FER: variants seen among roughly 807,000 people sequenced by gnomAD.
FER encodes the protein tyrosine-protein kinase Fer.
FER carries 63 observed loss-of-function variants against 111.0 expected under a neutral mutation model. That is an observed-to-expected ratio of 0.57 (90% CI 0.46 to 0.70). The LOEUF is 0.70. FER is among the 30% of genes least tolerant of loss of function. The probability of loss-of-function intolerance (pLI) is 0.00; values close to 1 mark genes in which losing one functional copy is unlikely to be tolerated. For missense variants in FER, 914 were observed against 954.0 expected (o/e 0.96, Z 0.55); for synonymous variants, 327 against 313.9 (o/e 1.04, Z -0.44).
chr5:108,764,215 C>T (rs1284139306), intron 1 of FER, among the ~76,000 whole-genome samples: 1 of 152,056 alleles, frequency 6.6e-6, no homozygotes, highest in African/African-American at 2.4e-5. Context: ...ATAGATGCTT[C>T]AGAGTAAAAA....
chr5:108,749,556 C>G (rs1008144334), intron 1 of FER, among the ~76,000 whole-genome samples: 1 of 152,180 alleles, frequency 6.6e-6, no homozygotes, highest in African/African-American at 2.4e-5. Context: ...TCTGGAGCCC[C>G]GCAGTCTCCC....
intron 13 of FER, among the ~76,000 whole-genome samples, chr5:108,988,996 G>A (rs999886530): frequency 6.6e-6 from 1 of 152,008 alleles, no homozygotes; most frequent in East Asian, 1.9e-4. Context: ...GTTATTGTTC[G>A]TTCAAAGAAT....
chr5:108,819,845 T>C (rs1758659459), intron 3 of FER: 2 of 985,272 alleles, frequency 2.0e-6, no homozygotes, highest in Non-Finnish European at 2.4e-6. Flanking sequence ...TTTTAATTTT[T>C]TTCCCCCAGA....
At position 109,068,276 on chromosome 5, in the gene FER, C is replaced by T. The variant is rs145145174; in HGVS notation, c.1924+21078C>T. Reference sequence around the variant, plus strand: ...TCCGCTCACTGCACCCTCTGCCTTCCGGGTTCAAGCAATTCTCCTGCCTCA... The same window carrying T: ...TCCGCTCACTGCACCCTCTGCCTTCTGGGTTCAAGCAATTCTCCTGCCTCA... On this transcript the variant is annotated intron_variant, in intron 16 of 19. Transcript: ENST00000281092. 6.7e-3 allele frequency among the ~76,000 whole-genome samples: 983 copies of T among 146,990 alleles called. 8 individuals are homozygous for T. Among genetic ancestry groups the T allele is most frequent in the Non-Finnish European group, 0.011 (725 of 66,094 alleles).
At chr5:109,182,847 A>AT (rs368540431) in intron 18 of FER, among the ~76,000 whole-genome samples, 1 of 152,050 alleles carries the variant, frequency 6.6e-6, no homozygotes, top group East Asian at 1.9e-4. Flanking sequence ...AAGTCTAAAG[A>AT]TTTTTTTTAA....
At chr5:109,071,185 A>G (rs1332721361) in intron 16 of FER, among the ~76,000 whole-genome samples, 2 of 152,042 alleles carry the variant, frequency 1.3e-5, no homozygotes, top group African/African-American at 2.4e-5. Context: ...ATTATGTTGC[A>G]TTTAGTTGTC....
chr5:108,920,992 C>G (rs182629451), intron 10 of FER, among the ~76,000 whole-genome samples: 2 of 152,148 alleles, frequency 1.3e-5, no homozygotes, highest in African/African-American at 2.4e-5. Flanking sequence ...CTTCTTATCT[C>G]TGGGACTTTA....
At chr5:109,145,651 A>G (rs937849066) in intron 17 of FER, among the ~76,000 whole-genome samples, 1 of 152,108 alleles carries the variant, frequency 6.6e-6, no homozygotes, top group Non-Finnish European at 1.5e-5. Context: ...AAATAAAGAA[A>G]TGTTTTTTAA....
intron 5 of FER, among the ~76,000 whole-genome samples, chr5:108,838,918 T>G (rs1296691729): frequency 6.6e-6 from 1 of 152,182 alleles, no homozygotes; most frequent in African/African-American, 2.4e-5. Context: ...GAACATTAGT[T>G]GATTGATTAT....
At chr5:109,032,634 T>C (rs1229020457) in intron 13 of FER, among the ~76,000 whole-genome samples, 1 of 152,210 alleles carries the variant, frequency 6.6e-6, no homozygotes, top group Non-Finnish European at 1.5e-5. Context: ...CATTCATTTC[T>C]TCTTTTCTCA....
At chr5:108,819,382 T>G (rs922550998) in intron 3 of FER, among the ~76,000 whole-genome samples, 23 of 152,094 alleles carry the variant, frequency 1.5e-4, no homozygotes, top group Non-Finnish European at 2.6e-4. Context: ...GTTCCCACAC[T>G]GCTCCCTCCA....
intron 2 of FER, among the ~76,000 whole-genome samples, chr5:108,775,742 A>G (rs1753418409): frequency 6.6e-6 from 1 of 152,186 alleles, no homozygotes; most frequent in African/African-American, 2.4e-5. Context: ...GCATAGGAGG[A>G]GTTTTAAATA....
chr5:109,130,599 A>T (rs1161529535), intron 17 of FER, among the ~76,000 whole-genome samples: 1 of 152,154 alleles, frequency 6.6e-6, no homozygotes, highest in Non-Finnish European at 1.5e-5. Flanking sequence ...TTTAACATGC[A>T]ATTAGTGTGA....
intron 13 of FER, among the ~76,000 whole-genome samples, chr5:108,983,411 C>T (rs72789352): frequency 0.12 from 17,570 of 151,956 alleles, 1,107 homozygotes; most frequent in Middle Eastern, 0.16. Context: ...TGGTTTAAAC[C>T]AAGTTGAAAT....
intron 5 of FER, among the ~76,000 whole-genome samples, chr5:108,846,563 A>T (rs1401708379): frequency 6.6e-6 from 1 of 151,730 alleles, no homozygotes; most frequent in East Asian, 1.9e-4. Context: ...ATAGTCCTTT[A>T]TTCACCTTTT....
intron 17 of FER, among the ~76,000 whole-genome samples, chr5:109,168,482 T>C (rs902821593): frequency 1.3e-5 from 2 of 152,182 alleles, no homozygotes; most frequent in Non-Finnish European, 2.9e-5. Flanking sequence ...TGCCTGTGTA[T>C]TGAAGCCTCC....
chr5:108,982,405 T>G (rs917031455), intron 13 of FER, among the ~76,000 whole-genome samples: 2 of 152,028 alleles, frequency 1.3e-5, no homozygotes, highest in African/African-American at 4.8e-5. Flanking sequence ...AGGCTGGTAA[T>G]TATTTGAGGT....
chr5:108,819,592 G>A (rs1412089720), intron 3 of FER, among the ~76,000 whole-genome samples: 1 of 152,134 alleles, frequency 6.6e-6, no homozygotes, highest in Non-Finnish European at 1.5e-5. Context: ...GTGTGCAAGA[G>A]GTTGGTAATA....
At chr5:108,825,527 C>CA (rs758159047) in intron 3 of FER, among the ~76,000 whole-genome samples, 29 of 152,170 alleles carry the variant, frequency 1.9e-4, no homozygotes, top group Non-Finnish European at 3.1e-4. Context: ...AGGGTGCCCA[C>CA]ATTTCATATT....
Sources: allele counts gnomAD v4.1 joint callset (sites outside exome capture counted in the v4.1 genomes callset), GRCh38; gene constraint gnomAD v4.1.1; transcripts MANE v1.5; gene names NCBI Gene and HGNC (gene_info 2026-07-23, HGNC 2026-07-21).